Variants in ASH2L observed in about 807,000 individuals in gnomAD.
The protein encoded by ASH2L is ASH2 like, histone lysine methyltransferase complex subunit.
ASH2L carries 30 observed loss-of-function variants against 81.1 expected under a neutral mutation model. The ratio of observed to expected loss-of-function variants is 0.37; its 90% CI spans 0.28 to 0.50. The LOEUF (loss-of-function observed/expected upper bound fraction) is 0.50. Among genes scored for constraint, ASH2L ranks in the 20% least tolerant of loss-of-function variants. The pLI is 0.95. For missense variants in ASH2L, 559 were observed against 792.1 expected, an observed-to-expected ratio of 0.71 and a Z score of 3.53; for synonymous variants, 273 against 279.9, an observed-to-expected ratio of 0.98 and a Z score of 0.24.
At chr8:38,114,479 A>G (rs1328522803) in intron 6 of ASH2L, among the ~76,000 whole-genome samples, 192 bp downstream of exon 6, 1 of 152,204 alleles carries the variant, frequency 6.6e-6, no homozygotes, top group Non-Finnish European at 1.5e-5. Context: ...ATATTGTCTT[A>G]TATGAACATT....
intron 6 of ASH2L, 34 bp downstream of exon 6, chr8:38,114,321 T>G: frequency 3.1e-6 from 4 of 1,309,770 alleles, no homozygotes; most frequent in Non-Finnish European, 3.2e-6. Context: ...ACTTGACATT[T>G]AAAAAACCAT....
At chr8:38,106,992 G>A (rs199885385) in intron 2 of ASH2L, 29 bp from the exon 3 acceptor site, 1 of 1,612,506 alleles carries the variant, frequency 6.2e-7, no homozygotes, top group East Asian at 2.2e-5. Flanking sequence ...CAAGTCAACT[G>A]ATTTGAGTCT....
chr8:38,114,176 T>C lies in ASH2L; in HGVS notation c.586-16T>C. The C allele has an allele frequency of 1.4e-6, 2 of 1,459,182 alleles. No individual in the cohort carries two copies. The highest frequency in any genetic ancestry group is 2.5e-5 in the South Asian group (2 of 80,600). 90.4% of individuals were successfully genotyped at this position (1,459,182 alleles called of 1,614,324 possible). A position where few individuals can be genotyped will look rare whatever the true frequency, so the allele number is the denominator to read the frequency against. ...TGATTGCAGCAGTAATAGTCTTAAT[T>C]TATTTTGAAAATTAGGATATTATAC... On this transcript the variant is annotated splice_polypyrimidine_tract_variant and intron_variant, in intron 5 of 15. Transcript: ENST00000343823.
At chr8:38,133,973 A>T (rs1802158373) in intron 13 of ASH2L, among the ~76,000 whole-genome samples, 1 of 152,184 alleles carries the variant, frequency 6.6e-6, no homozygotes, top group Admixed American at 6.6e-5. Flanking sequence ...TTTGTTCTGT[A>T]CTAAGAAAAA....
chr8:38,121,264 ATC>A (rs1485001013), intron 10 of ASH2L, 115 bp downstream of exon 10: 3 of 823,998 alleles, frequency 3.6e-6, no homozygotes, highest in Non-Finnish European at 5.7e-6. Flanking sequence ...CCTCACCCCC[ATC>A]TCTGTCTAGA....
intron 13 of ASH2L, among the ~76,000 whole-genome samples, chr8:38,133,910 A>C (rs1380459982): frequency 6.6e-6 from 1 of 152,170 alleles, no homozygotes; most frequent in African/African-American, 2.4e-5. Context: ...AAGATAGAGA[A>C]ATCAGATTGT....
intron 5 of ASH2L, among the ~76,000 whole-genome samples, chr8:38,113,973 A>G (rs2130493960): frequency 6.6e-6 from 1 of 152,332 alleles, no homozygotes; most frequent in South Asian, 2.1e-4. Context: ...GTTTGTTTAT[A>G]CTTGTGGAAA....
At chr8:38,128,176 C>G (rs1040599605) in intron 10 of ASH2L, 115 bp from the exon 11 acceptor site, 12 of 1,255,410 alleles carry the variant, frequency 9.6e-6, no homozygotes, top group South Asian at 1.3e-5. Context: ...ATTTCAAACA[C>G]CTGACCTGAT....
At chr8:38,127,916 C>T (rs776785232) in intron 10 of ASH2L, among the ~76,000 whole-genome samples, 48 of 146,998 alleles carry the variant, frequency 3.3e-4, no homozygotes, top group Non-Finnish European at 5.8e-4. Context: ...CGTGGTGGCA[C>T]GCGCCTGTAA....
intron 8 of ASH2L, among the ~76,000 whole-genome samples, chr8:38,118,027 C>T (rs1372955579): frequency 6.6e-6 from 1 of 152,150 alleles, no homozygotes; most frequent in Non-Finnish European, 1.5e-5. Context: ...CCACTGCACT[C>T]CAGCTTGGGC....
intron 7 of ASH2L, among the ~76,000 whole-genome samples, chr8:38,115,677 C>A (rs948547207): frequency 4.6e-5 from 7 of 152,160 alleles, no homozygotes; most frequent in African/African-American, 1.7e-4. Flanking sequence ...ATTTAGATTT[C>A]TGTCTTGTAA....
At chr8:38,135,045 C>T (rs1387158582) in intron 13 of ASH2L, among the ~76,000 whole-genome samples, 1 of 150,912 alleles carries the variant, frequency 6.6e-6, no homozygotes, top group East Asian at 1.9e-4. Context: ...GGAAGGCCAG[C>T]TTACTTTAAA....
intron 10 of ASH2L, chr8:38,124,775 T>A (rs1459314626): frequency 6.6e-6 from 1 of 152,212 alleles, no homozygotes; most frequent in Non-Finnish European, 1.5e-5. Flanking sequence ...GGTAGAGAGA[T>A]GAATTACAGT....
chr8:38,106,902 C>G, intron 2 of ASH2L, 119 bp from the exon 3 acceptor site: 4 of 1,246,266 alleles, frequency 3.2e-6, no homozygotes, highest in Non-Finnish European at 4.4e-6. Flanking sequence ...AGGCTGAGAC[C>G]TCAGGATCAC....
chr8:38,131,194 A>ACT (rs747998454), intron 12 of ASH2L, among the ~76,000 whole-genome samples: 3 of 152,182 alleles, frequency 2.0e-5, no homozygotes, highest in Non-Finnish European at 4.4e-5. Flanking sequence ...ATTATATCAC[A>ACT]CTAGTGACTT....
In ASH2L at chr8:38,121,049, C is replaced by T. The variant is rs767999041; in HGVS notation, c.1065C>T (p.Pro355=). 12 of 1,613,788 alleles carry T rather than the reference C, an allele frequency of 7.4e-6. No individual in the cohort carries two copies. The highest frequency in any genetic ancestry group is 2.2e-5 in the East Asian group (1 of 44,840). ...AGCCTGATCCGCACGCCCCTGACCC[C>T]GAGAAGCTGGAACTTGACTGCTGGG... ...LAEPDPHAPD[P]EKLELDCWAG... The change falls in exon 10 of 16, where the codon CCC becomes CCT. Residue 355 remains proline (P), a synonymous_variant. Coordinates refer to ENST00000343823, the MANE Select transcript of ASH2L (RefSeq NM_004674.5).
chr8:38,126,621 G>C (rs1001259672), intron 10 of ASH2L, among the ~76,000 whole-genome samples: 1 of 151,638 alleles, frequency 6.6e-6, no homozygotes, highest in Non-Finnish European at 1.5e-5. Flanking sequence ...TTGGGAGGCC[G>C]AGGCAGGCGG....
At chr8:38,127,461 A>C (rs1043525965) in intron 10 of ASH2L, among the ~76,000 whole-genome samples, 4 of 152,114 alleles carry the variant, frequency 2.6e-5, no homozygotes, top group African/African-American at 7.2e-5. Context: ...AGTTAATCAC[A>C]TGTAGGCTGG....
chr8:38,115,070 T>C, intron 7 of ASH2L, 70 bp downstream of exon 7: 4 of 1,011,912 alleles, frequency 4.0e-6, no homozygotes, highest in Non-Finnish European at 6.2e-6. Flanking sequence ...AGGTTCTGTT[T>C]ACATTTGTAT....
Sources: gnomAD v4.1 joint callset for allele counts (sites outside exome capture counted in the v4.1 genomes callset) on GRCh38, gnomAD v4.1.1 for gene constraint, MANE v1.5 for transcripts, NCBI Gene and HGNC (gene_info 2026-07-23, HGNC 2026-07-21) for gene names.